The following CDH13 variants were observed in gnomAD, a reference collection of about 807,000 sequenced individuals.
The protein encoded by CDH13 is cadherin 13.
A neutral mutation model predicts 63.8 loss-of-function variants in CDH13; 24 were observed. The ratio of observed to expected loss-of-function variants is 0.38; its 90% CI spans 0.27 to 0.53. The LOEUF (loss-of-function observed/expected upper bound fraction) is 0.53. CDH13 is among the 20% of genes least tolerant of loss of function. The pLI is 0.85. For synonymous variants in CDH13, 503 were observed against 355.3 expected, an observed-to-expected ratio of 1.42 and a Z score of -4.67; for missense variants, 1,049 against 903.1, an observed-to-expected ratio of 1.16 and a Z score of -2.07.
intron 7 of CDH13, among the ~76,000 whole-genome samples, chr16:83,508,097 AAAG>A (rs797015647): frequency 1.3e-4 from 10 of 78,462 alleles, no homozygotes; most frequent in African/African-American, 4.7e-4. Flanking sequence ...GGAAGGAAGG[AAAG>A]AAGGAAGGAA....
At chr16:83,425,481 C>G (rs924507680) in intron 6 of CDH13, among the ~76,000 whole-genome samples, 1 of 152,262 alleles carries the variant, frequency 6.6e-6, no homozygotes, top group Non-Finnish European at 1.5e-5. Context: ...ACTCAGGAGG[C>G]TCACAGAGAA....
chr16:83,390,864 C>T (rs1713870020), intron 6 of CDH13, among the ~76,000 whole-genome samples: 2 of 152,166 alleles, frequency 1.3e-5, no homozygotes, highest in African/African-American at 4.8e-5. Flanking sequence ...TGCTGTCACC[C>T]CCTGACACTG....
intron 4 of CDH13, among the ~76,000 whole-genome samples, chr16:83,208,348 C>T (rs1045937935): frequency 3.3e-5 from 5 of 152,126 alleles, no homozygotes; most frequent in African/African-American, 1.2e-4. Context: ...TCTTCAATTT[C>T]AAAGGCATGG....
At chr16:82,674,036 A>T (rs1212316505) in intron 1 of CDH13, among the ~76,000 whole-genome samples, 1 of 152,204 alleles carries the variant, frequency 6.6e-6, no homozygotes, top group African/African-American at 2.4e-5. Context: ...AGGGGAACAG[A>T]GCTGATTATG....
At chr16:83,538,350 C>G (rs1237898907) in intron 7 of CDH13, among the ~76,000 whole-genome samples, 1 of 152,190 alleles carries the variant, frequency 6.6e-6, no homozygotes, top group Non-Finnish European at 1.5e-5. Context: ...TCACACTATA[C>G]TCATCTCCGT....
chr16:83,392,157 C>T (rs756250577), intron 6 of CDH13, among the ~76,000 whole-genome samples: 3 of 152,152 alleles, frequency 2.0e-5, no homozygotes, highest in African/African-American at 7.2e-5. Flanking sequence ...TGAATGACTT[C>T]GGTAGCCTGA....
intron 5 of CDH13, among the ~76,000 whole-genome samples, chr16:83,231,323 G>A (rs1304661926): frequency 6.6e-6 from 1 of 152,174 alleles, no homozygotes; most frequent in Non-Finnish European, 1.5e-5. Flanking sequence ...TCTGTGCGTT[G>A]GCAAATCTGC....
chr16:83,588,236 C>T (rs1391549067), intron 7 of CDH13, among the ~76,000 whole-genome samples: 1 of 152,236 alleles, frequency 6.6e-6, no homozygotes, highest in African/African-American at 2.4e-5. Flanking sequence ...CCCTGCCACG[C>T]CCCGCAAAAC....
intron 7 of CDH13, among the ~76,000 whole-genome samples, chr16:83,493,487 C>T (rs2074066297): frequency 6.6e-6 from 1 of 152,208 alleles, no homozygotes; most frequent in African/African-American, 2.4e-5. Flanking sequence ...ACAGCACACG[C>T]ATGCAAAGAT....
chr16:83,419,906 C>A (rs1011335714), intron 6 of CDH13, among the ~76,000 whole-genome samples: 1 of 137,050 alleles, frequency 7.3e-6, no homozygotes, highest in African/African-American at 2.7e-5. Context: ...TTCTCTGAAT[C>A]GTCCAATCTT....
At chr16:83,783,697 A>G (rs1915688849) in intron 13 of CDH13, among the ~76,000 whole-genome samples, 1 of 152,216 alleles carries the variant, frequency 6.6e-6, no homozygotes, top group Non-Finnish European at 1.5e-5. Flanking sequence ...GGGATTGTGC[A>G]AAGGTGTTCA....
intron 1 of CDH13, among the ~76,000 whole-genome samples, chr16:82,813,334 C>A (rs374702408): frequency 2.0e-5 from 3 of 152,106 alleles, no homozygotes; most frequent in East Asian, 3.9e-4. Flanking sequence ...CTCTTGGGAT[C>A]AGAACTGCAG....
chr16:82,896,403 C>T (rs2041264231), intron 2 of CDH13, among the ~76,000 whole-genome samples: 1 of 149,960 alleles, frequency 6.7e-6, no homozygotes, highest in Admixed American at 6.7e-5. Flanking sequence ...GTAATCCTCC[C>T]ACCTCTCATC....
chr16:83,242,594 C>G (rs894279013), intron 5 of CDH13, among the ~76,000 whole-genome samples: 1 of 152,110 alleles, frequency 6.6e-6, no homozygotes, highest in African/African-American at 2.4e-5. Context: ...ACATCACTTG[C>G]AAGATTGAAG....
chr16:82,898,354 G>A (rs1410773172), intron 2 of CDH13, among the ~76,000 whole-genome samples: 13 of 152,030 alleles, frequency 8.6e-5, no homozygotes, highest in East Asian at 1.9e-4. Flanking sequence ...GTGAAACCCC[G>A]TCTCTACTAA....
chr16:83,780,062 C>G lies in CDH13; in HGVS notation c.1776C>G (p.Val592=). 3.1e-6 allele frequency: 5 copies of G among 1,613,924 alleles called. No homozygotes were observed. The highest frequency in any genetic ancestry group is 4.2e-6 in the Non-Finnish European group (5 of 1,179,866). The change falls in exon 12 of 14, where the codon GTC becomes GTG. Residue 592 remains valine (V), a synonymous_variant. Coordinates refer to ENST00000567109, the MANE Select transcript of CDH13 (RefSeq NM_001257.5). The stretch of plus-strand genomic sequence containing the variant: ...TCATTTACCCCACAGTAGCTGAAGT[C>G]TGTGATGATGCCAAAAACCTCAGTG... ...APFIYPTVAE[V]CDDAKNLSVV...
At chr16:83,542,420 C>T (rs759782585) in intron 7 of CDH13, among the ~76,000 whole-genome samples, 8 of 152,210 alleles carry the variant, frequency 5.3e-5, no homozygotes, top group Non-Finnish European at 1.2e-4. Context: ...TGCTGGATCA[C>T]CTCCCCACAC....
At chr16:83,569,202 C>T (rs1383539052) in intron 7 of CDH13, among the ~76,000 whole-genome samples, 1 of 152,126 alleles carries the variant, frequency 6.6e-6, no homozygotes, top group African/African-American at 2.4e-5. Flanking sequence ...TTCCCTCGTC[C>T]ACCTGGGAGA....
intron 2 of CDH13, among the ~76,000 whole-genome samples, chr16:82,929,651 C>CAAAAA (rs71146097): frequency 0.011 from 483 of 44,258 alleles, 74 homozygotes; most frequent in East Asian, 0.039. Context: ...GACTCCATCT[C>CAAAAA]AAAAAAAAAA....
Sources: allele counts gnomAD v4.1 joint callset (sites outside exome capture counted in the v4.1 genomes callset), GRCh38; gene constraint gnomAD v4.1.1; transcripts MANE v1.5; gene names NCBI Gene and HGNC (gene_info 2026-07-23, HGNC 2026-07-21).